The following TMED6 variants were observed in gnomAD, a reference collection of about 807,000 sequenced individuals.
TMED6 encodes transmembrane emp24 domain-containing protein 6.
Under a neutral mutation model 26.5 loss-of-function variants are expected in TMED6, and 17 were observed. The ratio of observed to expected loss-of-function variants is 0.64; its 90% CI spans 0.44 to 0.96. The LOEUF (loss-of-function observed/expected upper bound fraction) is 0.96. Ranked by LOEUF, TMED6 falls within the 40% of genes least tolerant of loss-of-function variation. TMED6 has a pLI of 0.00. For missense variants in TMED6, 309 were observed against 296.5 expected (o/e 1.04, Z -0.31); for synonymous variants, 107 against 106.2 (o/e 1.01, Z -0.04).
Position 69,351,568 on chromosome 16 carries a change from C to A in TMED6, c.186G>T (p.Gln62His). ...GTECFWQFAH[Q>H]TGYFYFSYEV... Reference sequence around the variant, plus strand: ...CGTAACTGAAATAGAAGTATCCAGTCTGGTGGGCAAATTGCCAAAAGCATT... The same window carrying A: ...CGTAACTGAAATAGAAGTATCCAGTATGGTGGGCAAATTGCCAAAAGCATT... Residue 62 changes from glutamine (Q) to histidine (H), a missense_variant, in exon 1 of 4, where the codon CAG becomes CAT. Gln to His is a conservative substitution (Grantham distance 24). Coordinates refer to ENST00000288025, the MANE Select transcript of TMED6 (RefSeq NM_144676.4). The A allele has an allele frequency of 6.2e-7, 1 of 1,614,096 alleles. No homozygotes were observed. The highest frequency in any genetic ancestry group is 1.1e-5 in the South Asian group (1 of 91,082).
intron 3 of TMED6, among the ~76,000 whole-genome samples, chr16:69,345,168 T>A (rs539473672): frequency 6.6e-6 from 1 of 152,040 alleles, no homozygotes; most frequent in Non-Finnish European, 1.5e-5. Context: ...TCCCAGCTAC[T>A]CAGGAGGCCG....
In TMED6 at chr16:69,343,323, A is replaced by C; in HGVS notation, c.*84T>G. 1 of 1,201,570 alleles carries C rather than the reference A, an allele frequency of 8.3e-7. No individual in the cohort carries two copies. Among genetic ancestry groups the C allele is most frequent in the Non-Finnish European group, 1.2e-6 (1 of 856,402 alleles). The allele number at this position is 1,201,570 out of a possible 1,614,324, so 74.4% of individuals were successfully genotyped here. A position where few individuals can be genotyped will look rare whatever the true frequency, so the allele number is the denominator to read the frequency against. On this transcript the variant is annotated 3_prime_UTR_variant, in exon 4 of 4. Transcript: ENST00000288025. ...CAGCAGACTAAAACATTAATGAGAT[A>C]ATTGATTTTTGTCCCATAACATTAC...
At chr16:69,349,494 T>C (rs1199547606) in intron 2 of TMED6, 31 bp downstream of exon 2, 1 of 1,606,104 alleles carries the variant, frequency 6.2e-7, no homozygotes, top group African/African-American at 1.3e-5. Flanking sequence ...ACCCTATGAT[T>C]ATTATAATAG....
At chr16:69,345,416 GCTCACGCCTGT>G (rs1312896817) in intron 3 of TMED6, among the ~76,000 whole-genome samples, 1 of 152,070 alleles carries the variant, frequency 6.6e-6, no homozygotes, top group East Asian at 1.9e-4. Flanking sequence ...GGGTGCGGTG[GCTCACGCCTGT>G]ATTCCCAGCA....
chr16:69,343,291 A>G lies in TMED6; in HGVS notation c.*116T>C, dbSNP rs1202409038. On this transcript the variant is annotated 3_prime_UTR_variant, in exon 4 of 4. Transcript: ENST00000288025. ...TTTTATTGCCATTTTGCTTTTTTAGATGTGTGCAGCAGACTAAAACATTAA... is the reference window on the plus strand; with the variant it reads ...TTTTATTGCCATTTTGCTTTTTTAGGTGTGTGCAGCAGACTAAAACATTAA... 2 of 935,688 alleles carry G rather than the reference A, an allele frequency of 2.1e-6. No individual in the cohort carries two copies. Among genetic ancestry groups the G allele is most frequent in the African/African-American group, 3.4e-5 (2 of 59,668 alleles). The allele number at this position is 935,688 out of a possible 1,614,324, so 58.0% of individuals were successfully genotyped here. A position where few individuals can be genotyped will look rare whatever the true frequency, so the allele number is the denominator to read the frequency against.
At chr16:69,349,431 C>G in intron 2 of TMED6, 94 bp downstream of exon 2, 1 of 1,440,592 alleles carries the variant, frequency 6.9e-7, no homozygotes, top group Non-Finnish European at 9.3e-7. Flanking sequence ...AATTTTTTTC[C>G]TACTGTTAAA....
rs1266779742 is a variant in TMED6, at chr16:69,351,739, G to C, written c.15C>G (p.Leu5=). Residue 5 remains leucine, a synonymous_variant, in exon 1 of 4, where the codon CTC becomes CTG. Transcript: ENST00000288025. Reference sequence around the variant, plus strand: ...TCAGAACGACCAGCCCAGCCCCAAAGAGCAAAGGGGACATGCCGCTTTCTG... The same window carrying C: ...TCAGAACGACCAGCCCAGCCCCAAACAGCAAAGGGGACATGCCGCTTTCTG... MSPL[L]FGAGLVVLNL... The C allele has an allele frequency of 2.5e-6, 4 of 1,612,842 alleles. No homozygotes were observed. In the East Asian group the frequency reaches 8.9e-5, roughly 36 times the overall value.
intron 2 of TMED6, among the ~76,000 whole-genome samples, chr16:69,348,922 G>C (rs2012733465): frequency 6.6e-6 from 1 of 152,208 alleles, no homozygotes; most frequent in African/African-American, 2.4e-5. Context: ...GCCTGTTCAA[G>C]ATCTTTTAAC....
In TMED6 at chr16:69,343,358, T is replaced by A; in HGVS notation, c.*49A>T. ...TGTCCCATAACATTACAAAGCTGAT[T>A]CGACTAAGCCCCAGAAGAAAACAGC... On this transcript the variant is annotated 3_prime_UTR_variant, in exon 4 of 4. Transcript: ENST00000288025. The A allele has an allele frequency of 6.6e-7, 1 of 1,504,274 alleles. No homozygotes were observed. The highest frequency in any genetic ancestry group is 1.4e-5 in the African/African-American group (1 of 71,342). 93.2% of individuals were successfully genotyped at this position (1,504,274 alleles called of 1,614,324 possible). A position where few individuals can be genotyped will look rare whatever the true frequency, so the allele number is the denominator to read the frequency against.
At position 69,343,321 on chromosome 16, in the gene TMED6, A is replaced by G. The variant is rs770107588; in HGVS notation, c.*86T>C. On this transcript the variant is annotated 3_prime_UTR_variant, in exon 4 of 4. Transcript: ENST00000288025. ...TGCAGCAGACTAAAACATTAATGAG[A>G]TAATTGATTTTTGTCCCATAACATT... The G allele has an allele frequency of 8.5e-5, 101 of 1,187,260 alleles. No individual in the cohort carries two copies. Among genetic ancestry groups the G allele is most frequent in the Non-Finnish European group, 1.2e-4 (100 of 844,852 alleles). 73.5% of individuals were successfully genotyped at this position (1,187,260 alleles called of 1,614,324 possible).
intron 2 of TMED6, among the ~76,000 whole-genome samples, chr16:69,348,623 CTTT>C (rs758902556): frequency 6.9e-6 from 1 of 145,218 alleles, no homozygotes; most frequent in African/African-American, 2.5e-5. Context: ...TGTTCAAGAT[CTTT>C]TTTTTTTTTA....
At chr16:69,346,578 A>G (rs887240727) in intron 3 of TMED6, among the ~76,000 whole-genome samples, 10 of 152,138 alleles carry the variant, frequency 6.6e-5, no homozygotes, top group African/African-American at 2.4e-5. Context: ...AGCTTGGCCA[A>G]CATGGTGAAA....
intron 3 of TMED6, among the ~76,000 whole-genome samples, chr16:69,345,705 AAGT>A (rs2012674921): frequency 6.7e-6 from 1 of 148,948 alleles, no homozygotes; most frequent in South Asian, 2.1e-4. Flanking sequence ...AAAAAAAAAA[AAGT>A]AAAATGGGCA....
At chr16:69,346,018 GAA>G (rs1488414480) in intron 3 of TMED6, among the ~76,000 whole-genome samples, 1 of 152,204 alleles carries the variant, frequency 6.6e-6, no homozygotes, top group Non-Finnish European at 1.5e-5. Context: ...TTTCTCCAAA[GAA>G]GAGAGATGGC....
intron 3 of TMED6, among the ~76,000 whole-genome samples, chr16:69,347,123 A>T (rs1375674599): frequency 6.6e-6 from 1 of 152,102 alleles, no homozygotes; most frequent in Admixed American, 6.5e-5. Flanking sequence ...AGAATGACTA[A>T]TGGGGAGTGG....
rs187873309 is a variant in TMED6, at chr16:69,347,921, C to G, written c.356G>C (p.Cys119Ser). 4.3e-4 allele frequency: 699 copies of G among 1,613,978 alleles called. 6 individuals carry two copies. In the East Asian group the frequency reaches 8.8e-3, roughly 20 times the overall value. Residue 119 changes from cysteine (C) to serine (S), a missense_variant, in exon 3 of 4, where the codon TGT becomes TCT. By Grantham distance (112) the Cys-to-Ser change is moderately radical. Transcript: ENST00000288025. ...STQETGFYQL[C>S]LSNQHNHFGS... is the part of the protein sequence containing the mutation. The stretch of plus-strand genomic sequence containing the variant: ...GAAGTGATTATGCTGATTACTTAGA[C>G]AAAGCTGATAAAAACCTGTAGGAAT...
In TMED6 at chr16:69,347,768, T is replaced by A. The variant is rs774372060; in HGVS notation, c.489+20A>T. 1.9e-6 allele frequency: 3 copies of A among 1,612,838 alleles called. No homozygotes were observed. The East Asian group carries it at 6.7e-5, about 36-fold the overall frequency. ...AATCAGTTTCCACAGATGTTTCTCT[T>A]CCACAAAACACTTCCTTACCTCAAT... On this transcript the variant is annotated intron_variant, in intron 3 of 3. Transcript: ENST00000288025.
chr16:69,344,453 T>C (rs1487117870), intron 3 of TMED6, among the ~76,000 whole-genome samples: 1 of 152,144 alleles, frequency 6.6e-6, no homozygotes, highest in Non-Finnish European at 1.5e-5. Flanking sequence ...CAGTGAGCTT[T>C]TGTGCATTTA....
chr16:69,344,775 CAAAAA>C (rs762254282), intron 3 of TMED6, among the ~76,000 whole-genome samples: 1 of 123,062 alleles, frequency 8.1e-6, no homozygotes, highest in South Asian at 2.6e-4. Flanking sequence ...TTTGTCTCAA[CAAAAA>C]AAAAAGAAAA....
Sources: allele counts gnomAD v4.1 joint callset (sites outside exome capture counted in the v4.1 genomes callset), GRCh38; gene constraint gnomAD v4.1.1; transcripts MANE v1.5; gene names NCBI Gene and HGNC (gene_info 2026-07-23, HGNC 2026-07-21).